PIEZO2: variants seen among roughly 807,000 people sequenced by gnomAD.
PIEZO2 encodes the protein piezo type mechanosensitive ion channel component 2.
In PIEZO2, 172 loss-of-function variants were observed where a neutral mutation model predicts 337.3. The ratio of observed to expected loss-of-function variants is 0.51; its 90% CI spans 0.45 to 0.58. The LOEUF is 0.58. Among genes scored for constraint, PIEZO2 ranks in the 20% least tolerant of loss-of-function variants. The pLI, the probability that PIEZO2 is intolerant of heterozygous loss-of-function variation, is 0.00. For synonymous variants in PIEZO2, 1,251 were observed against 1,228.5 expected (o/e 1.02, Z -0.38); for missense variants, 3,028 against 3,391.3 (o/e 0.89, Z 2.66).
At chr18:10,698,823 G>C (rs2035210225) in intron 44 of PIEZO2, 102 bp downstream of exon 44, 3 of 1,379,562 alleles carry the variant, frequency 2.2e-6, no homozygotes, top group African/African-American at 2.9e-5. Context: ...TCTGTCTCTT[G>C]ATAGCACCCA....
chr18:10,812,154 A>T (rs1246286872), intron 7 of PIEZO2, among the ~76,000 whole-genome samples: 1 of 152,216 alleles, frequency 6.6e-6, no homozygotes, highest in African/African-American at 2.4e-5. Context: ...TTTTAAACTG[A>T]GAATCCAGGT....
At chr18:11,042,454 A>G (rs781692439) in intron 2 of PIEZO2, among the ~76,000 whole-genome samples, 7 of 152,354 alleles carry the variant, frequency 4.6e-5, no homozygotes, top group Non-Finnish European at 7.3e-5. Context: ...AAGTTTGACT[A>G]CTTCATCAAT....
intron 3 of PIEZO2, among the ~76,000 whole-genome samples, chr18:10,933,410 T>C (rs1478589244): frequency 1.3e-5 from 2 of 152,204 alleles, no homozygotes; most frequent in African/African-American, 4.8e-5. Flanking sequence ...TTTTCATTTA[T>C]TTTGCAATAT....
chr18:10,873,648 T>C (rs2042193260), intron 4 of PIEZO2, among the ~76,000 whole-genome samples: 1 of 152,182 alleles, frequency 6.6e-6, no homozygotes, highest in African/African-American at 2.4e-5. Context: ...ACTACTGTTA[T>C]AAATAGAATG....
intron 27 of PIEZO2, among the ~76,000 whole-genome samples, chr18:10,754,343 C>A (rs915620551): frequency 6.6e-6 from 1 of 152,208 alleles, no homozygotes; most frequent in African/African-American, 2.4e-5. Flanking sequence ...GCGGAGCTGA[C>A]CCCTGTTGGA....
chr18:11,100,985 G>A (rs1410867467), intron 1 of PIEZO2, among the ~76,000 whole-genome samples: 4 of 152,188 alleles, frequency 2.6e-5, no homozygotes, highest in Non-Finnish European at 5.9e-5. Flanking sequence ...TAAACTCAGG[G>A]GGTCATAGTT....
At chr18:10,989,222 T>C (rs539921064) in intron 2 of PIEZO2, among the ~76,000 whole-genome samples, 3 of 152,050 alleles carry the variant, frequency 2.0e-5, no homozygotes, top group Non-Finnish European at 2.9e-5. Context: ...AATGTATACA[T>C]TAATTGTACA....
In PIEZO2 at chr18:11,066,129, T is replaced by C. The variant is rs1316183316; in HGVS notation, c.158A>G (p.Gln53Arg). ...LFSEPTKTTM[Q>R]GHTGRLLKSL... ...ATACGATAACAAAATTCTCTTACCTTGCATCGTCGTTTTTGTTGGTTCTGA... is the reference window on the plus strand; with the variant it reads ...ATACGATAACAAAATTCTCTTACCTCGCATCGTCGTTTTTGTTGGTTCTGA... The change falls in exon 2 of 56, where the codon CAA (glutamine) becomes CGA (arginine). Residue 53 changes from glutamine (Q) to arginine (R), a missense_variant and splice_region_variant. Around this residue, in one of 5 missense-constraint regions of PIEZO2, gnomAD observed 542 missense variants for 605.6 expected, o/e 0.89. Transcript: ENST00000674853. 1 of 1,530,260 alleles carries C rather than the reference T, an allele frequency of 6.5e-7. No individual in the cohort carries two copies. Among genetic ancestry groups the C allele is most frequent in the East Asian group, 2.4e-5 (1 of 40,876 alleles). The allele number at this position is 1,530,260 out of a possible 1,614,324, so 94.8% of individuals were successfully genotyped here. A position where few individuals can be genotyped will look rare whatever the true frequency, so the allele number is the denominator to read the frequency against.
chr18:11,147,066 C>T (rs2040828803), intron 1 of PIEZO2, among the ~76,000 whole-genome samples: 2 of 152,200 alleles, frequency 1.3e-5, no homozygotes, highest in African/African-American at 2.4e-5. Flanking sequence ...GCTTAGGATA[C>T]AGAGATGATC....
intron 3 of PIEZO2, among the ~76,000 whole-genome samples, chr18:10,963,282 T>A (rs1376562601): frequency 6.7e-6 from 1 of 149,502 alleles, no homozygotes; most frequent in Admixed American, 6.7e-5. Flanking sequence ...AGATGTTGTC[T>A]CAAAAAAAAA....
chr18:10,785,220 G>A (rs567007985), intron 16 of PIEZO2, among the ~76,000 whole-genome samples: 47 of 152,248 alleles, frequency 3.1e-4, no homozygotes, highest in Middle Eastern at 3.4e-3. Flanking sequence ...GGTCCTCCTT[G>A]AAGCAAGTGT....
chr18:10,763,012 G>A lies in PIEZO2; in HGVS notation c.3033C>T (p.Cys1011=). The A allele has an allele frequency of 2.0e-6, 3 of 1,537,322 alleles. No homozygotes were observed. The highest frequency in any genetic ancestry group is 2.6e-6 in the Non-Finnish European group (3 of 1,146,904). Residue 1011 remains cysteine (C), a synonymous_variant, in exon 22 of 56, where the codon TGC becomes TGT. Coordinates refer to ENST00000674853, the MANE Select transcript of PIEZO2 (RefSeq NM_001378183.1). The part of the protein sequence containing the change: ...AKLRRLASSV[C]TVWTCVIIVC... ...CGATGATCACACACGTCCAGACTGT[G>A]CAGACACTTGAAGCCAGACGGCGCA...
chr18:11,102,546 G>C lies in PIEZO2; in HGVS notation c.65-36324C>G, dbSNP rs938820693. Among the ~76,000 whole-genome samples the C allele has an allele frequency of 2.6e-5, 4 of 152,200 alleles. No homozygotes were observed. The highest frequency in any genetic ancestry group is 9.7e-5 in the African/African-American group (4 of 41,442). ...AGCAGAGGATGGGGCTATGGGGAGA[G>C]GAAGCATCGGGGGTGAAGCATCATG... On this transcript the variant is annotated intron_variant, in intron 1 of 55. Transcript: ENST00000674853. This position sits in a 1 kb window ranked among gnomAD's most constrained non-coding sequence, Gnocchi z 5.7.
intron 36 of PIEZO2, among the ~76,000 whole-genome samples, chr18:10,718,818 C>T (rs565827696): frequency 6.6e-6 from 1 of 151,900 alleles, no homozygotes; most frequent in Non-Finnish European, 1.5e-5. Context: ...TTGAGACCAG[C>T]CTGGGCAACA....
Position 10,872,197 on chromosome 18 carries a change from C to A in PIEZO2, c.330-782G>T, listed in dbSNP as rs1461653164. On this transcript the variant is annotated intron_variant, in intron 4 of 55. Transcript: ENST00000674853. This position sits in a 1 kb window ranked among gnomAD's most constrained non-coding sequence, Gnocchi z 4.3. ...GAAACACATATTTTCACTAAGCCTA[C>A]ATTTTGAGAAGAGCAGCATCAATTG... Among the ~76,000 whole-genome samples the A allele has an allele frequency of 6.6e-6, 1 of 152,196 alleles. No homozygotes were observed. Among genetic ancestry groups the A allele is most frequent in the Non-Finnish European group, 1.5e-5 (1 of 68,032 alleles).
chr18:10,691,782 CATATAT>C (rs33977962), intron 47 of PIEZO2, among the ~76,000 whole-genome samples: 18 of 96,550 alleles, frequency 1.9e-4, no homozygotes, highest in African/African-American at 1.4e-4. Context: ...CACACACACA[CATATAT>C]ATATATATAT....
intron 3 of PIEZO2, among the ~76,000 whole-genome samples, chr18:10,960,421 A>G (rs1414455856): frequency 6.6e-6 from 1 of 152,188 alleles, no homozygotes; most frequent in Non-Finnish European, 1.5e-5. Flanking sequence ...TTTAAACCCT[A>G]AAAGTATTAA....
chr18:11,007,972 C>T (rs1385585544), intron 2 of PIEZO2, among the ~76,000 whole-genome samples: 1 of 152,156 alleles, frequency 6.6e-6, no homozygotes, highest in East Asian at 1.9e-4. Flanking sequence ...ATGCGCCCCA[C>T]CAGCTGAAGT....
In PIEZO2 at chr18:10,982,569, G is replaced by A. The variant is rs1457856886; in HGVS notation, c.161-2909C>T. 6.6e-6 allele frequency among the ~76,000 whole-genome samples: 1 copy of A among 152,112 alleles called. No individual in the cohort carries two copies. Among genetic ancestry groups the A allele is most frequent in the Non-Finnish European group, 1.5e-5 (1 of 68,010 alleles). ...ATTTCAAAATATGTAAGAAAAGAAT[G>A]CTTTGAAGAATTTCAACAAACATTT... On this transcript the variant is annotated intron_variant, in intron 2 of 55. Transcript: ENST00000674853. This position sits in a 1 kb window ranked among gnomAD's most constrained non-coding sequence, Gnocchi z 4.1.
Sources: gnomAD v4.1 joint callset for allele counts (sites outside exome capture counted in the v4.1 genomes callset) on GRCh38, gnomAD v4.1.1 for gene constraint, gnomAD v4.1.1 regional missense constraint, Gnocchi (gnomAD v3.1) non-coding constraint, MANE v1.5 for transcripts, NCBI Gene and HGNC (gene_info 2026-07-23, HGNC 2026-07-21) for gene names.